The following ENTREP2 variants were observed in gnomAD, a reference collection of about 807,000 sequenced individuals.
The protein encoded by ENTREP2 is protein ENTREP2.
the ENTREP2 span, among the ~76,000 whole-genome samples, chr15:29,263,243 T>A: frequency 6.6e-6 from 1 of 152,256 alleles, no homozygotes; most frequent in Non-Finnish European, 1.5e-5. Context: ...CTTTCACATG[T>A]AGATTTGTTC....
the ENTREP2 span, among the ~76,000 whole-genome samples, chr15:29,199,202 C>T: frequency 2.6e-5 from 4 of 152,200 alleles, no homozygotes; most frequent in Non-Finnish European, 4.4e-5. Context: ...AATTTACACA[C>T]TCACCAGCAC....
chr15:29,629,242 ATC>A, the ENTREP2 span, among the ~76,000 whole-genome samples: 84 of 152,120 alleles, frequency 5.5e-4, no homozygotes, highest in Middle Eastern at 6.8e-3. Flanking sequence ...CATTCTTCCA[ATC>A]TCTGTTTTTC....
the ENTREP2 span, among the ~76,000 whole-genome samples, chr15:29,495,725 A>G: frequency 2.1e-4 from 32 of 152,066 alleles, no homozygotes; most frequent in African/African-American, 7.0e-4. Flanking sequence ...CCATATATGC[A>G]TGGGTTTATT....
At chr15:29,363,389 A>G in the ENTREP2 span, among the ~76,000 whole-genome samples, 9 of 152,368 alleles carry the variant, frequency 5.9e-5, no homozygotes, top group East Asian at 1.7e-3. Context: ...AAGATGATTC[A>G]TAAATTTTTT....
At chr15:29,215,319 C>T in the ENTREP2 span, among the ~76,000 whole-genome samples, 1 of 152,076 alleles carries the variant, frequency 6.6e-6, no homozygotes, top group Non-Finnish European at 1.5e-5. Flanking sequence ...GACCCACCCT[C>T]AACCTGGGTG....
At chr15:29,541,083 A>T in the ENTREP2 span, among the ~76,000 whole-genome samples, 3 of 152,138 alleles carry the variant, frequency 2.0e-5, no homozygotes, top group Non-Finnish European at 4.4e-5. Flanking sequence ...GGGCCTGGGG[A>T]TCACAAACCT....
At chr15:29,253,487 C>T in the ENTREP2 span, among the ~76,000 whole-genome samples, 2,242 of 142,796 alleles carry the variant, frequency 0.016, 20 homozygotes, top group Non-Finnish European at 0.024. Context: ...CTCACTCTGT[C>T]GCTGGAGTGC....
At chr15:29,121,935 TGGG>T in the ENTREP2 span, 1 of 152,192 alleles carries the variant, frequency 6.6e-6, no homozygotes, top group African/African-American at 2.4e-5. Flanking sequence ...ATTAGGGAAT[TGGG>T]GGAGCTCAAG....
chr15:29,138,705 G>A, the ENTREP2 span, among the ~76,000 whole-genome samples: 12 of 17,474 alleles, frequency 6.9e-4, no homozygotes, highest in African/African-American at 0.015. Flanking sequence ...GTGTATGCGT[G>A]TGTGTGTGTG....
the ENTREP2 span, among the ~76,000 whole-genome samples, chr15:29,656,717 G>C: frequency 6.6e-6 from 1 of 152,174 alleles, no homozygotes; most frequent in Non-Finnish European, 1.5e-5. Flanking sequence ...CAAGGACGTG[G>C]TGCAACAGAC....
chr15:29,645,089 C>T, the ENTREP2 span, among the ~76,000 whole-genome samples: 6 of 152,082 alleles, frequency 3.9e-5, no homozygotes, highest in Non-Finnish European at 7.3e-5. Context: ...TGGGAGACCA[C>T]AAACTTAAGA....
the ENTREP2 span, among the ~76,000 whole-genome samples, chr15:29,479,414 G>T: frequency 6.6e-6 from 1 of 151,904 alleles, no homozygotes; most frequent in Non-Finnish European, 1.5e-5. Flanking sequence ...CCAGGGTCAG[G>T]TATTTCTTTA....
At chr15:29,387,797 G>A in the ENTREP2 span, among the ~76,000 whole-genome samples, 8 of 152,080 alleles carry the variant, frequency 5.3e-5, no homozygotes, top group African/African-American at 1.7e-4. Context: ...ACAGAACAGA[G>A]CCCTCAGAAA....
the ENTREP2 span, among the ~76,000 whole-genome samples, chr15:29,322,916 A>T: frequency 6.6e-6 from 1 of 152,152 alleles, no homozygotes; most frequent in East Asian, 1.9e-4. Context: ...ATAAACCTCT[A>T]AATTGCTTGA....
chr15:29,533,170 C>A, the ENTREP2 span, among the ~76,000 whole-genome samples: 34 of 152,196 alleles, frequency 2.2e-4, no homozygotes, highest in African/African-American at 7.7e-4. Context: ...GGCTGCCCAG[C>A]CAGGAAGCAC....
At chr15:29,364,729 T>A in the ENTREP2 span, among the ~76,000 whole-genome samples, 12 of 152,098 alleles carry the variant, frequency 7.9e-5, no homozygotes, top group African/African-American at 7.2e-5. Context: ...CCTTTAAAAA[T>A]TTTTTTTAAT....
At chr15:29,467,410 A>G in the ENTREP2 span, among the ~76,000 whole-genome samples, 1 of 152,190 alleles carries the variant, frequency 6.6e-6, no homozygotes, top group Non-Finnish European at 1.5e-5. Context: ...AAGGCAGAAC[A>G]TGCCTGTTCC....
the ENTREP2 span, among the ~76,000 whole-genome samples, chr15:29,155,704 A>G: frequency 5.9e-5 from 9 of 152,278 alleles, no homozygotes; most frequent in Middle Eastern, 3.4e-3. Flanking sequence ...CTGAACCTGG[A>G]AACTGTCTCA....
the ENTREP2 span, among the ~76,000 whole-genome samples, chr15:29,630,833 G>A: frequency 1.3e-5 from 2 of 152,104 alleles, no homozygotes; most frequent in Admixed American, 1.3e-4. Flanking sequence ...GATTACAGGT[G>A]CTCACCACCA....
Sources: allele counts gnomAD v4.1 joint callset (sites outside exome capture counted in the v4.1 genomes callset), GRCh38; gene constraint gnomAD v4.1.1; transcripts MANE v1.5; gene names NCBI Gene and HGNC (gene_info 2026-07-23, HGNC 2026-07-21).